The following EPB41L2 variants were observed in gnomAD, a reference collection of about 807,000 sequenced individuals.
EPB41L2 encodes the protein band 4.1-like protein 2.
EPB41L2 carries 43 observed loss-of-function variants against 113.0 expected under a neutral mutation model. That is an observed-to-expected ratio of 0.38 (90% CI 0.30 to 0.49). EPB41L2 has a LOEUF of 0.49. Ranked by LOEUF, EPB41L2 falls within the 20% of genes least tolerant of loss-of-function variation. The probability of loss-of-function intolerance (pLI) is 0.95; values close to 1 mark genes in which losing one functional copy is unlikely to be tolerated. For synonymous variants in EPB41L2, 442 were observed against 436.7 expected (o/e 1.01, Z -0.15); for missense variants, 1,147 against 1,223.4 (o/e 0.94, Z 0.93).
chr6:130,848,761 G>C (rs939488876), intron 19 of EPB41L2, among the ~76,000 whole-genome samples: 1 of 152,166 alleles, frequency 6.6e-6, no homozygotes, highest in African/African-American at 2.4e-5. Context: ...TTGTTAATTA[G>C]TTGCCATAGT....
intron 16 of EPB41L2, among the ~76,000 whole-genome samples, chr6:130,866,092 T>C (rs1038402510): frequency 1.3e-5 from 2 of 152,250 alleles, no homozygotes; most frequent in South Asian, 4.1e-4. Flanking sequence ...TGAATCTGCA[T>C]GATTTGGTTA....
intron 4 of EPB41L2, among the ~76,000 whole-genome samples, chr6:130,918,274 A>C (rs1410947928): frequency 6.6e-6 from 1 of 152,214 alleles, no homozygotes; most frequent in African/African-American, 2.4e-5. Context: ...TAATTTTCAT[A>C]AAGTTAGCCG....
intron 19 of EPB41L2, among the ~76,000 whole-genome samples, chr6:130,848,908 G>T (rs890325979): frequency 2.0e-5 from 3 of 152,126 alleles, no homozygotes; most frequent in African/African-American, 7.2e-5. Flanking sequence ...TAATGTCTAG[G>T]ATCCTATTTC....
chr6:130,948,820 G>T (rs1173696908), intron 3 of EPB41L2, among the ~76,000 whole-genome samples: 7 of 152,080 alleles, frequency 4.6e-5, no homozygotes, highest in African/African-American at 1.4e-4. Context: ...AAAAGAAAGG[G>T]CTATCCACGA....
intron 3 of EPB41L2, among the ~76,000 whole-genome samples, chr6:130,928,312 C>G (rs1051354639): frequency 1.3e-5 from 2 of 152,150 alleles, no homozygotes; most frequent in Non-Finnish European, 2.9e-5. Context: ...AAATACACTT[C>G]CACTACTTAC....
chr6:130,861,745 G>A (rs569096152), intron 18 of EPB41L2, among the ~76,000 whole-genome samples: 25 of 152,008 alleles, frequency 1.6e-4, no homozygotes, highest in African/African-American at 5.8e-4. Flanking sequence ...GGTGGCGGGT[G>A]CCTATAATCC....
chr6:131,037,468 A>G (rs1363047078), intron 1 of EPB41L2, among the ~76,000 whole-genome samples: 2 of 152,218 alleles, frequency 1.3e-5, no homozygotes, highest in East Asian at 3.8e-4. Context: ...GCTCTAAAGC[A>G]TATAAATGCT....
intron 1 of EPB41L2, among the ~76,000 whole-genome samples, chr6:131,037,766 T>C (rs1023248281): frequency 2.0e-5 from 3 of 152,076 alleles, no homozygotes; most frequent in Non-Finnish European, 4.4e-5. Flanking sequence ...TTTTTCTCAT[T>C]TTTGTAGTGA....
At chr6:130,914,830 C>G (rs951599576) in intron 4 of EPB41L2, among the ~76,000 whole-genome samples, 2 of 152,130 alleles carry the variant, frequency 1.3e-5, no homozygotes, top group Non-Finnish European at 2.9e-5. Flanking sequence ...TCAGTATTCT[C>G]CTTACTTTCT....
chr6:131,024,458 C>G (rs1790372975), intron 1 of EPB41L2, among the ~76,000 whole-genome samples: 1 of 152,154 alleles, frequency 6.6e-6, no homozygotes, highest in African/African-American at 2.4e-5. Flanking sequence ...CTAAGCATCT[C>G]TGTCGTAGAA....
chr6:131,047,041 C>T (rs1208580357), intron 1 of EPB41L2, among the ~76,000 whole-genome samples: 1 of 152,150 alleles, frequency 6.6e-6, no homozygotes, highest in African/African-American at 2.4e-5. Context: ...AACCGCTGCT[C>T]CACCATTAAT....
chr6:130,962,535 T>C (rs1176744516), intron 1 of EPB41L2, among the ~76,000 whole-genome samples: 1 of 152,222 alleles, frequency 6.6e-6, no homozygotes, highest in Admixed American at 6.5e-5. Context: ...AATCCAATGC[T>C]GCTCACCCTA....
intron 12 of EPB41L2, chr6:130,880,516 G>A (rs1788982762): frequency 1.6e-6 from 1 of 629,422 alleles, no homozygotes; most frequent in Non-Finnish European, 2.8e-6. Flanking sequence ...CAAACGGCCA[G>A]AAAGAAGGGG....
At chr6:130,925,847 T>C (rs1172819721) in intron 4 of EPB41L2, among the ~76,000 whole-genome samples, 3 of 152,242 alleles carry the variant, frequency 2.0e-5, no homozygotes, top group African/African-American at 7.2e-5. Flanking sequence ...GGCAGGCATG[T>C]AATTTAACTG....
chr6:130,935,635 T>A (rs1046127700), intron 3 of EPB41L2, among the ~76,000 whole-genome samples: 10 of 152,342 alleles, frequency 6.6e-5, no homozygotes, highest in East Asian at 1.9e-4. Flanking sequence ...CCCCTTTTTT[T>A]AAAAAGAAAA....
At chr6:130,938,392 A>C (rs1809623119) in intron 3 of EPB41L2, among the ~76,000 whole-genome samples, 1 of 152,222 alleles carries the variant, frequency 6.6e-6, no homozygotes, top group African/African-American at 2.4e-5. Context: ...AGTGACAACA[A>C]GGTCTTTGTT....
chr6:131,013,384 C>CT (rs36001837), intron 1 of EPB41L2, among the ~76,000 whole-genome samples: 2 of 151,168 alleles, frequency 1.3e-5, no homozygotes, highest in African/African-American at 4.9e-5. Context: ...ATAAATGCTA[C>CT]TTTTTTTTTA....
At chr6:130,852,124 G>T (rs1194862856) in intron 19 of EPB41L2, among the ~76,000 whole-genome samples, 1 of 152,124 alleles carries the variant, frequency 6.6e-6, no homozygotes, top group Non-Finnish European at 1.5e-5. Flanking sequence ...GTTCATGGCC[G>T]ACCTTGTAAG....
At chr6:130,997,080 T>C (rs1195832293) in intron 1 of EPB41L2, among the ~76,000 whole-genome samples, 1 of 152,180 alleles carries the variant, frequency 6.6e-6, no homozygotes, top group Admixed American at 6.5e-5. Flanking sequence ...CTCTTTGAGC[T>C]TGGCACTATA....
Sources: gnomAD v4.1 joint callset for allele counts (sites outside exome capture counted in the v4.1 genomes callset) on GRCh38, gnomAD v4.1.1 for gene constraint, MANE v1.5 for transcripts, NCBI Gene and HGNC (gene_info 2026-07-23, HGNC 2026-07-21) for gene names.